APLF: variants seen among roughly 807,000 people sequenced by gnomAD.
APLF encodes the protein aprataxin and PNK-like factor.
Under a neutral mutation model 55.6 loss-of-function variants are expected in APLF, and 61 were observed. The observed-to-expected ratio is 1.10, with a 90% CI of 0.89 to 1.36. The LOEUF is 1.36. APLF is among the 40% of genes most tolerant of loss of function. APLF has a pLI of 0.00. For missense variants in APLF, 611 were observed against 602.5 expected, an observed-to-expected ratio of 1.01 and a Z score of -0.15; for synonymous variants, 207 against 214.8, an observed-to-expected ratio of 0.96 and a Z score of 0.32.
intron 1 of APLF, among the ~76,000 whole-genome samples, chr2:68,483,556 T>C (rs1485427325): frequency 6.6e-6 from 1 of 152,204 alleles, no homozygotes; most frequent in Non-Finnish European, 1.5e-5. Flanking sequence ...AAGGCACGCA[T>C]TGGGCACCTC....
intron 6 of APLF, among the ~76,000 whole-genome samples, chr2:68,532,337 A>C (rs1670281320): frequency 6.6e-6 from 1 of 152,170 alleles, no homozygotes; most frequent in Admixed American, 6.5e-5. Context: ...AAAGTAGGAG[A>C]ATCAGTGGAG....
At position 68,578,109 on chromosome 2, in the gene APLF, A is replaced by T; in HGVS notation, c.*87A>T. 6.8e-7 allele frequency: 1 copy of T among 1,479,242 alleles called. No individual in the cohort carries two copies. The allele number at this position is 1,479,242 out of a possible 1,614,324, so 91.6% of individuals were successfully genotyped here. A position where few individuals can be genotyped will look rare whatever the true frequency, so the allele number is the denominator to read the frequency against. On this transcript the variant is annotated 3_prime_UTR_variant, in exon 10 of 10. Coordinates refer to ENST00000303795, the MANE Select transcript of APLF (RefSeq NM_173545.3). ...TGAACTAAGGAGGTACTTAAGTGACAGTTATTTTCCTTCTTTTGATAGTTA... is the reference window on the plus strand; with the variant it reads ...TGAACTAAGGAGGTACTTAAGTGACTGTTATTTTCCTTCTTTTGATAGTTA...
At chr2:68,515,097 A>G (rs1368248186) in intron 5 of APLF, among the ~76,000 whole-genome samples, 2 of 151,776 alleles carry the variant, frequency 1.3e-5, no homozygotes, top group African/African-American at 4.8e-5. Flanking sequence ...TGTACAGAAT[A>G]TATCTTATTT....
At position 68,513,206 on chromosome 2, in the gene APLF, G is replaced by C; in HGVS notation, c.468G>C (p.Gln156His). ...GAAGCACAGAAATAGCCAAGACCCA[G>C]ATGACTCCCACAAATAGTGTGGTGA... is the stretch of plus-strand genomic sequence containing the variant. ...LEGSTEIAKT[Q>H]MTPTNSVSFL... Residue 156 changes from glutamine (Q) to histidine (H), a missense_variant, in exon 4 of 10, where the codon CAG becomes CAC. Transcript: ENST00000303795. 1 of 1,608,334 alleles carries C rather than the reference G, an allele frequency of 6.2e-7. No individual in the cohort carries two copies. The highest frequency in any genetic ancestry group is 2.2e-5 in the East Asian group (1 of 44,778).
At chr2:68,506,934 TAATG>T (rs1676887966) in intron 3 of APLF, among the ~76,000 whole-genome samples, 1 of 151,908 alleles carries the variant, frequency 6.6e-6, no homozygotes, top group African/African-American at 2.4e-5. Flanking sequence ...TTCTATAAAA[TAATG>T]GATGCATATA....
intron 7 of APLF, 132 bp from the exon 8 acceptor site, chr2:68,545,055 T>G: frequency 3.8e-6 from 4 of 1,048,712 alleles, no homozygotes; most frequent in Non-Finnish European, 5.4e-6. Context: ...TCTGCGCTTA[T>G]GTCATCAATG....
At chr2:68,477,326 T>G (rs764917799) in intron 1 of APLF, among the ~76,000 whole-genome samples, 1 of 152,112 alleles carries the variant, frequency 6.6e-6, no homozygotes, top group Non-Finnish European at 1.5e-5. Flanking sequence ...TCCAGTAAAT[T>G]GTATATCATA....
At chr2:68,537,424 A>G (rs923254344) in intron 6 of APLF, among the ~76,000 whole-genome samples, 8 of 150,202 alleles carry the variant, frequency 5.3e-5, no homozygotes, top group African/African-American at 1.7e-4. Flanking sequence ...CTGGAGTGCA[A>G]TGGTGCAATC....
intron 4 of APLF, 92 bp downstream of exon 4, chr2:68,513,319 A>G (rs1056251133): frequency 1.1e-5 from 16 of 1,407,270 alleles, no homozygotes; most frequent in Non-Finnish European, 1.5e-5. Flanking sequence ...TATTATGACA[A>G]TATTGCCAGC....
At chr2:68,571,750 G>T (rs1166226259) in intron 9 of APLF, among the ~76,000 whole-genome samples, 4 of 152,022 alleles carry the variant, frequency 2.6e-5, no homozygotes, top group African/African-American at 4.8e-5. Flanking sequence ...TTGTTCTTTT[G>T]GCTTAGGATT....
Position 68,552,830 on chromosome 2 carries a change from C to T in APLF, c.1286+7518C>T, listed in dbSNP as rs556422749. 4.6e-5 allele frequency among the ~76,000 whole-genome samples: 7 copies of T among 152,188 alleles called. No individual in the cohort carries two copies. The East Asian group carries it at 7.7e-4, about 17-fold the overall frequency. On this transcript the variant is annotated intron_variant, in intron 8 of 9. Transcript: ENST00000303795. ...ATAAAAACTTTCATGTCTGTAGATA[C>T]GTGTAGATGTATACGTATAGATATG...
At chr2:68,517,293 T>G (rs1669632545) in intron 5 of APLF, among the ~76,000 whole-genome samples, 1 of 123,488 alleles carries the variant, frequency 8.1e-6, no homozygotes, top group African/African-American at 3.3e-5. Flanking sequence ...TATATTAATA[T>G]ATGTCATTAC....
At chr2:68,476,089 A>G (rs1334371702) in intron 1 of APLF, among the ~76,000 whole-genome samples, 1 of 151,690 alleles carries the variant, frequency 6.6e-6, no homozygotes, top group Non-Finnish European at 1.5e-5. Context: ...TGTTGTTGAT[A>G]CAGCAAACTA....
Position 68,578,407 on chromosome 2 carries a change from A to G in APLF, c.*385A>G, listed in dbSNP as rs1008971811. 3.0e-5 allele frequency: 30 copies of G among 993,138 alleles called. No homozygotes were observed. The highest frequency in any genetic ancestry group is 2.3e-4 in the African/African-American group (13 of 57,314). 61.5% of individuals were successfully genotyped at this position (993,138 alleles called of 1,614,324 possible). The stretch of plus-strand genomic sequence containing the variant: ...CTGCAAGTATAACCAGGCAAAGTAC[A>G]TGAAAACATGCCTCTTTTCATTGTT... On this transcript the variant is annotated 3_prime_UTR_variant, in exon 10 of 10. Coordinates refer to ENST00000303795, the MANE Select transcript of APLF (RefSeq NM_173545.3).
Position 68,579,010 on chromosome 2 carries a change from A to G in APLF, c.*988A>G. ...ACGTGACTTTGAATTGTTAAAATGT[A>G]GTTTAGAATCTTTAATAACAGTTGG... On this transcript the variant is annotated 3_prime_UTR_variant, in exon 10 of 10. Coordinates refer to ENST00000303795, the MANE Select transcript of APLF (RefSeq NM_173545.3). 3 of 985,086 alleles carry G rather than the reference A, an allele frequency of 3.0e-6. No homozygotes were observed. The highest frequency in any genetic ancestry group is 3.6e-6 in the Non-Finnish European group (3 of 829,654). The allele number at this position is 985,086 out of a possible 1,614,324, so 61.0% of individuals were successfully genotyped here.
At position 68,527,074 on chromosome 2, in the gene APLF, G is replaced by A. The variant is rs186951003; in HGVS notation, c.804+832G>A. Among the ~76,000 whole-genome samples, 470 of 151,304 alleles carry A rather than the reference G, an allele frequency of 3.1e-3. 1 individual carries two copies. The highest frequency in any genetic ancestry group is 0.011 in the African/African-American group (450 of 41,200). On this transcript the variant is annotated intron_variant, in intron 6 of 9. Transcript: ENST00000303795. The stretch of plus-strand genomic sequence containing the variant: ...GATGGTGAGGGGGCCGGGTAGAGGC[G>A]CTCCTCACTTCCCAGACGGTGCAGG...
intron 9 of APLF, among the ~76,000 whole-genome samples, chr2:68,571,249 G>A (rs979810263): frequency 1.3e-5 from 2 of 152,010 alleles, no homozygotes; most frequent in African/African-American, 4.8e-5. Flanking sequence ...TAGGTTGCCT[G>A]TTCACTCTGA....
At chr2:68,543,423 A>G (rs908963072) in intron 7 of APLF, among the ~76,000 whole-genome samples, 26 of 152,180 alleles carry the variant, frequency 1.7e-4, no homozygotes, top group Non-Finnish European at 5.9e-5. Context: ...AAATACTGCC[A>G]TGTGAAAAAA....
chr2:68,569,414 A>C (rs1671394038), intron 9 of APLF, among the ~76,000 whole-genome samples: 1 of 152,136 alleles, frequency 6.6e-6, no homozygotes, highest in African/African-American at 2.4e-5. Context: ...AGGACATCAC[A>C]GGCAAAGTGA....
Sources: gnomAD v4.1 joint callset for allele counts (sites outside exome capture counted in the v4.1 genomes callset) on GRCh38, gnomAD v4.1.1 for gene constraint, MANE v1.5 for transcripts, NCBI Gene and HGNC (gene_info 2026-07-23, HGNC 2026-07-21) for gene names.